Variants in SLC2A9 observed in about 807,000 individuals in gnomAD.
The protein encoded by SLC2A9 is solute carrier family 2 member 9.
In SLC2A9, 39 loss-of-function variants were observed where a neutral mutation model predicts 50.6. That is an observed-to-expected ratio of 0.77 (90% CI 0.60 to 1.01). The LOEUF is 1.01. SLC2A9 is among the 50% of genes least tolerant of loss of function. The pLI is 0.00. For synonymous variants in SLC2A9, 324 were observed against 276.9 expected (o/e 1.17, Z -1.69); for missense variants, 686 against 677.6 (o/e 1.01, Z -0.14).
In SLC2A9 at chr4:9,833,339, C is replaced by T. The variant is rs149904665; in HGVS notation, c.1419+1542G>A. Among the ~76,000 whole-genome samples, 446 of 152,286 alleles carry T rather than the reference C, an allele frequency of 2.9e-3. 2 individuals are homozygous for T. The highest frequency in any genetic ancestry group is 0.01 in the African/African-American group (421 of 41,540). ...CTTGAAAGTTACAGGGTGTGGCAGC[C>T]TTCTAACTCTGAGACGAGGAGGCTG... is the stretch of plus-strand genomic sequence containing the variant. On this transcript the variant is annotated intron_variant, in intron 11 of 11. Transcript: ENST00000264784.
At position 10,021,470 on chromosome 4, in the gene SLC2A9, C is replaced by G; in HGVS notation, c.-41G>C. The G allele has an allele frequency of 6.2e-7, 1 of 1,613,202 alleles. No individual in the cohort carries two copies. The highest frequency in any genetic ancestry group is 2.2e-5 in the East Asian group (1 of 44,860). On this transcript the variant is annotated 5_prime_UTR_variant, in exon 1 of 12. Coordinates refer to ENST00000264784, the MANE Select transcript of SLC2A9 (RefSeq NM_020041.3). ...AGCTGATGGCTCAGTCCAGGGACCC[C>G]AGACTCTGCCAAGGCATTTCCGTGA...
At chr4:9,929,623 A>G (rs1377056067) in intron 6 of SLC2A9, among the ~76,000 whole-genome samples, 1 of 152,172 alleles carries the variant, frequency 6.6e-6, no homozygotes, top group African/African-American at 2.4e-5. Flanking sequence ...GCAAGGCTGA[A>G]ATTAGAGTGG....
chr4:9,959,676 T>C (rs1751935185), intron 5 of SLC2A9, among the ~76,000 whole-genome samples: 1 of 152,206 alleles, frequency 6.6e-6, no homozygotes, highest in Admixed American at 6.5e-5. Context: ...TTGTTTTGAC[T>C]AAAATAATTT....
At chr4:9,821,523 G>A (rs899736762), downstream of SLC2A9, among the ~76,000 whole-genome samples, 15 of 152,118 alleles carry the variant, frequency 9.9e-5, no homozygotes, top group Admixed American at 3.3e-4. Flanking sequence ...AGGAGGGAGA[G>A]CATTAGGAGA....
chr4:9,884,919 A>C (rs938756415), intron 10 of SLC2A9, among the ~76,000 whole-genome samples: 3 of 152,190 alleles, frequency 2.0e-5, no homozygotes, highest in African/African-American at 7.2e-5. Context: ...TAACACAGGA[A>C]CAGAAAACCA....
chr4:9,824,732 C>T (rs1724879024), downstream of SLC2A9, among the ~76,000 whole-genome samples: 1 of 152,080 alleles, frequency 6.6e-6, no homozygotes, highest in African/African-American at 2.4e-5. Flanking sequence ...TGATAGGTAC[C>T]TAATAAATAT....
intron 1 of SLC2A9, among the ~76,000 whole-genome samples, chr4:10,031,569 G>A (rs566129965): frequency 2.0e-5 from 3 of 152,320 alleles, no homozygotes; most frequent in East Asian, 1.9e-4. Flanking sequence ...CCAAAGCATC[G>A]TCTTAATGGG....
At chr4:9,832,208 C>T (rs1011711282) in intron 11 of SLC2A9, among the ~76,000 whole-genome samples, 4 of 152,236 alleles carry the variant, frequency 2.6e-5, no homozygotes, top group East Asian at 3.9e-4. Context: ...AACACATACA[C>T]GTTGCTCCCA....
chr4:9,889,867 G>A (rs1445154174), intron 9 of SLC2A9, among the ~76,000 whole-genome samples: 1 of 152,206 alleles, frequency 6.6e-6, no homozygotes, highest in Non-Finnish European at 1.5e-5. Context: ...AGGATCCGGG[G>A]ATCTAATTGC....
chr4:9,860,832 G>A (rs62295697), intron 10 of SLC2A9, among the ~76,000 whole-genome samples: 18,540 of 152,168 alleles, frequency 0.12, 1,329 homozygotes, highest in African/African-American at 0.18. Context: ...ATGCATCTTC[G>A]GAGCTGCGAT....
intron 5 of SLC2A9, among the ~76,000 whole-genome samples, chr4:9,950,313 G>A (rs1668146252): frequency 6.6e-6 from 1 of 152,138 alleles, no homozygotes; most frequent in African/African-American, 2.4e-5. Context: ...GAACTTCCAA[G>A]GCTACAACAC....
upstream of SLC2A9, chr4:10,026,121 G>A (rs931920542): frequency 1.4e-6 from 1 of 696,102 alleles, no homozygotes; most frequent in South Asian, 1.6e-5. Flanking sequence ...CTCTGGCTGG[G>A]ATGCCAGGAT....
At chr4:10,037,852 G>A (rs1764155671) in intron 1 of SLC2A9, among the ~76,000 whole-genome samples, 1 of 152,206 alleles carries the variant, frequency 6.6e-6, no homozygotes, top group Non-Finnish European at 1.5e-5. Context: ...TCGGGAGGCT[G>A]AGGCACGAGA....
At chr4:9,854,036 A>G (rs1181092981) in intron 10 of SLC2A9, among the ~76,000 whole-genome samples, 2 of 152,174 alleles carry the variant, frequency 1.3e-5, no homozygotes, top group Non-Finnish European at 2.9e-5. Context: ...TGCCCACATC[A>G]AAAAGTTAGA....
At chr4:9,828,357 G>A (rs574896082) in intron 11 of SLC2A9, among the ~76,000 whole-genome samples, 1 of 152,224 alleles carries the variant, frequency 6.6e-6, no homozygotes, top group Admixed American at 6.5e-5. Flanking sequence ...TTCACTTTAA[G>A]CATAATCTTA....
chr4:9,836,716 A>G, intron 10 of SLC2A9, among the ~76,000 whole-genome samples: 1 of 152,204 alleles, frequency 6.6e-6, no homozygotes, highest in East Asian at 1.9e-4. Flanking sequence ...GAGGTGATCA[A>G]TTTGCATTTC....
chr4:9,992,074 T>C (rs1403553457), intron 3 of SLC2A9, among the ~76,000 whole-genome samples: 1 of 152,208 alleles, frequency 6.6e-6, no homozygotes, highest in Admixed American at 6.5e-5. Context: ...GACAACCTGC[T>C]ATTTCCCTGG....
chr4:9,841,068 C>T (rs982075893), intron 10 of SLC2A9, among the ~76,000 whole-genome samples: 7 of 152,160 alleles, frequency 4.6e-5, no homozygotes, highest in African/African-American at 7.2e-5. Context: ...GATTACAATT[C>T]GAGATGAGAT....
intron 11 of SLC2A9, among the ~76,000 whole-genome samples, chr4:9,832,938 A>G (rs894640993): frequency 6.6e-6 from 1 of 152,220 alleles, no homozygotes. Context: ...TGAGTGGCTC[A>G]GAAGATAGTG....
Sources: allele counts gnomAD v4.1 joint callset (sites outside exome capture counted in the v4.1 genomes callset), GRCh38; gene constraint gnomAD v4.1.1; transcripts MANE v1.5; gene names NCBI Gene and HGNC (gene_info 2026-07-23, HGNC 2026-07-21).